ZNF550: variants seen among roughly 807,000 people sequenced by gnomAD.
The protein encoded by ZNF550 is zinc finger protein 550.
Under a neutral mutation model 40.2 loss-of-function variants are expected in ZNF550, and 42 were observed. The observed-to-expected ratio is 1.05, with a 90% CI of 0.82 to 1.35. ZNF550 has a LOEUF of 1.35. Among genes scored for constraint, ZNF550 ranks in the 40% most tolerant of loss-of-function variants. The pLI is 0.00. For missense variants in ZNF550, 549 were observed against 525.2 expected (o/e 1.05, Z -0.44); for synonymous variants, 223 against 198.6 (o/e 1.12, Z -1.03).
chr19:57,546,382 T>A, intron 4 of ZNF550: 4 of 575,244 alleles, frequency 7.0e-6, no homozygotes, highest in Non-Finnish European at 8.8e-6. Context: ...CCCCTTTACC[T>A]CTCAAACATT....
chr19:57,557,708 C>T (rs1230071500), intron 1 of ZNF550, among the ~76,000 whole-genome samples: 1 of 152,174 alleles, frequency 6.6e-6, no homozygotes, highest in Non-Finnish European at 1.5e-5. Flanking sequence ...TCACTAAGTC[C>T]TCTGGTCCTC....
chr19:57,556,230 C>A lies in ZNF550; in HGVS notation c.154+1G>T, dbSNP rs1599898809. ...CTCAGGGATGAGAGGTGAGTCATTA[C>A]CTAGTGAAACCAGAAGCCCACAGGT... On this transcript the variant is annotated splice_donor_variant, in intron 2 of 4. Transcript: ENST00000457177. LOFTEE classifies it high-confidence loss of function. The A allele has an allele frequency of 1.9e-6, 3 of 1,613,902 alleles. No individual in the cohort carries two copies. The highest frequency in any genetic ancestry group is 2.5e-6 in the Non-Finnish European group (3 of 1,179,956).
chr19:57,543,693 T>C lies in ZNF550; in HGVS notation c.*519-450A>G, dbSNP rs2089981805. The C allele has an allele frequency of 7.5e-6, 7 of 933,770 alleles. 1 individual carries two copies. The South Asian group carries it at 3.5e-4, about 46-fold the overall frequency. 57.8% of individuals were successfully genotyped at this position (933,770 alleles called of 1,614,324 possible). On this transcript the variant is annotated intron_variant, in intron 4 of 4. Coordinates refer to ENST00000457177, the Ensembl canonical transcript of ZNF550. ...GCTCACGCCTGTAATCGCAGCACTT[T>C]GGGAGGCAGAGGCGGGTGGACTACA... is the stretch of plus-strand genomic sequence containing the variant.
chr19:57,554,266 T>C lies in ZNF550; in HGVS notation c.155-1544A>G, dbSNP rs967087029. Reference sequence around the variant, plus strand: ...GCAGGTGACCAAAGCTGGATTCTCATTGTGAAAAGAAAGCATTTATTCCAA... The same window carrying C: ...GCAGGTGACCAAAGCTGGATTCTCACTGTGAAAAGAAAGCATTTATTCCAA... On this transcript the variant is annotated intron_variant, in intron 2 of 4. Transcript: ENST00000457177. The surrounding 1 kb of genome is among the most constrained non-coding windows in gnomAD (Gnocchi z 4.5). 11 of 152,182 alleles carry C rather than the reference T, an allele frequency of 7.2e-5. No individual in the cohort carries two copies. The highest frequency in any genetic ancestry group is 1.3e-4 in the Admixed American group (2 of 15,282). The allele number at this position is 152,182 out of a possible 1,614,324, so 9.4% of individuals were successfully genotyped here.
chr19:57,549,756 A>G (rs879645251), intron 3 of ZNF550, among the ~76,000 whole-genome samples: 1 of 152,240 alleles, frequency 6.6e-6, no homozygotes, highest in Admixed American at 6.5e-5. Flanking sequence ...AAGGGATGGA[A>G]GTACACACAG....
At position 57,559,750 on chromosome 19, in the gene ZNF550, A is replaced by G; in HGVS notation, c.-68T>C. On this transcript the variant is annotated 5_prime_UTR_variant, in exon 1 of 5. An upstream open reading frame in the 5' UTR loses its in-frame stop. Coordinates refer to ENST00000457177, the Ensembl canonical transcript of ZNF550. ...GGCTCAAAACCCTACCCCGGGTCCT[A>G]CAACGGTGCGGAGGTGAGCCCCAGT... The G allele has an allele frequency of 1.5e-6, 2 of 1,375,910 alleles. No individual in the cohort carries two copies. Among genetic ancestry groups the G allele is most frequent in the Non-Finnish European group, 1.9e-6 (2 of 1,042,102 alleles). 85.2% of individuals were successfully genotyped at this position (1,375,910 alleles called of 1,614,324 possible).
rs760137482 is a variant in ZNF550, at chr19:57,552,582, C to G, written c.250+45G>C. ...AGAGGCAGTGGTGCCCTCACATTATCTGAAGACTGCCATGACTCCACATGA... is the reference window on the plus strand; with the variant it reads ...AGAGGCAGTGGTGCCCTCACATTATGTGAAGACTGCCATGACTCCACATGA... On this transcript the variant is annotated intron_variant, in intron 3 of 4. Coordinates refer to ENST00000457177, the Ensembl canonical transcript of ZNF550. 4.1e-6 allele frequency: 6 copies of G among 1,457,944 alleles called. No homozygotes were observed. The South Asian group carries it at 7.1e-5, about 17-fold the overall frequency. 90.3% of individuals were successfully genotyped at this position (1,457,944 alleles called of 1,614,324 possible).
chr19:57,559,788 C>T (rs1599902286), exon 1 of ZNF550: 1 of 1,044,728 alleles, frequency 9.6e-7, no homozygotes, highest in South Asian at 2.5e-5. Flanking sequence ...CCCTACCATC[C>T]TTCCCAGCAC....
At position 57,546,881 on chromosome 19, in the gene ZNF550, G is replaced by A. The variant is rs758730681; in HGVS notation, c.*94C>T. ...AAGTTTCCTGACATTCTTTGCATTC[G>A]AAGGACTTCTTCCTACAGTGTGGGT... On this transcript the variant is annotated 3_prime_UTR_variant, in exon 4 of 5. Coordinates refer to ENST00000457177, the Ensembl canonical transcript of ZNF550. The A allele has an allele frequency of 1.1e-5, 16 of 1,462,056 alleles. 1 individual carries two copies. In the Admixed American group the frequency reaches 1.3e-4, roughly 11 times the overall value. 90.6% of individuals were successfully genotyped at this position (1,462,056 alleles called of 1,614,324 possible).
chr19:57,557,612 C>T (rs1372291738), intron 1 of ZNF550: 2 of 152,122 alleles, frequency 1.3e-5, no homozygotes, highest in Non-Finnish European at 2.9e-5. Context: ...TTCCTCTATA[C>T]TTTGTCTCTG....
Position 57,556,433 on chromosome 19 carries a change from G to A in ZNF550, c.28-76C>T. On this transcript the variant is annotated intron_variant, in intron 1 of 4. Coordinates refer to ENST00000457177, the Ensembl canonical transcript of ZNF550. ...ATCAGAACCTGTCACTCAGTCTCTAGTCAATGTGCAGAGAGATCCAGGTCT... is the reference window on the plus strand; with the variant it reads ...ATCAGAACCTGTCACTCAGTCTCTAATCAATGTGCAGAGAGATCCAGGTCT... 2.6e-6 allele frequency: 4 copies of A among 1,538,354 alleles called. No individual in the cohort carries two copies. The Admixed American group carries it at 7.7e-5, about 29-fold the overall frequency.
chr19:57,551,183 C>G (rs1255270567), intron 3 of ZNF550, among the ~76,000 whole-genome samples: 1 of 152,076 alleles, frequency 6.6e-6, no homozygotes, highest in Non-Finnish European at 1.5e-5. Flanking sequence ...CAAGAGAAGC[C>G]AAGTATGAGA....
At position 57,547,173 on chromosome 19, in the gene ZNF550, TTC is replaced by T; in HGVS notation, c.1069_1070del (p.Glu357ThrfsTer15). The T allele has an allele frequency of 2.5e-6, 4 of 1,610,866 alleles. No homozygotes were observed. The highest frequency in any genetic ancestry group is 3.4e-6 in the Non-Finnish European group (4 of 1,177,782). On this transcript the variant is annotated frameshift_variant, in exon 4 of 5. Transcript: ENST00000457177. LOFTEE classifies it high-confidence loss of function. ...TGTGAATCCGCTGGTGCTGTATGAG[TTC>T]TGAGCTGCATCTGAAGGCCTTTCCA...
upstream of ZNF550, chr19:57,559,967 C>T: frequency 2.6e-6 from 1 of 384,824 alleles, no homozygotes; most frequent in Admixed American, 4.4e-5. Context: ...GCTCTTTTTC[C>T]TTTTTTATTA....
rs1321679920 is a variant in ZNF550 at position 57,547,446 on chromosome 19, C to G, written c.798G>C (p.Lys266Asn). ...TGAGGTACGACCTGCGTTTGAAGGC[C>G]TTCCCACACTCAAGGCACTTGTATG... Residue 266 changes from lysine to asparagine, a missense_variant, in exon 4 of 5, where the codon AAG becomes AAC. Transcript: ENST00000457177. 7 of 1,614,098 alleles carry G rather than the reference C, an allele frequency of 4.3e-6. No homozygotes were observed. In the South Asian group the frequency reaches 7.7e-5, roughly 18 times the overall value.
exon 4 of ZNF550, chr19:57,547,143 C>A (rs752891784): frequency 1.2e-6 from 2 of 1,611,192 alleles, no homozygotes; most frequent in South Asian, 2.2e-5. Flanking sequence ...AGGGCTTCTC[C>A]CCAGTGTGAA....
chr19:57,542,485 A>T (rs1439718212), exon 5 of ZNF550: 1 of 152,022 alleles, frequency 6.6e-6, no homozygotes, highest in Non-Finnish European at 1.5e-5. Context: ...ATTTGAATCA[A>T]GGATGAAAGC....
chr19:57,559,777 G>T, exon 1 of ZNF550: 2 of 1,159,018 alleles, frequency 1.7e-6, no homozygotes, highest in Non-Finnish European at 2.3e-6. Context: ...AGCCCCAGTC[G>T]CCCTACCATC....
chr19:57,547,755 C>A (rs563786840), exon 4 of ZNF550: 3 of 1,614,118 alleles, frequency 1.9e-6, no homozygotes, highest in East Asian at 4.5e-5. Flanking sequence ...CATCATCTGT[C>A]CCCAAACCTT....
Sources: gnomAD v4.1 joint callset for allele counts (sites outside exome capture counted in the v4.1 genomes callset) on GRCh38, gnomAD v4.1.1 for gene constraint, Gnocchi (gnomAD v3.1) non-coding constraint, MANE v1.5 for transcripts, NCBI Gene and HGNC (gene_info 2026-07-23, HGNC 2026-07-21) for gene names.